PPHLN1: variants seen among roughly 807,000 people sequenced by gnomAD.
PPHLN1 encodes periphilin-1.
Under a neutral mutation model 51.3 loss-of-function variants are expected in PPHLN1, and 29 were observed. The observed-to-expected ratio is 0.57, with a 90% CI of 0.42 to 0.77. PPHLN1 has a LOEUF of 0.77. Ranked by LOEUF, PPHLN1 falls within the 30% of genes least tolerant of loss-of-function variation. The pLI is 0.00. For missense variants in PPHLN1, 436 were observed against 438.4 expected (o/e 0.99, Z 0.05); for synonymous variants, 147 against 147.8 (o/e 0.99, Z 0.04).
chr12:42,426,226 A>ACACACC (rs1245875011), intron 9 of PPHLN1, among the ~76,000 whole-genome samples: 3 of 123,110 alleles, frequency 2.4e-5, no homozygotes, highest in East Asian at 2.3e-4. Context: ...ACACACACAC[A>ACACACC]CACCCTCATG....
At chr12:42,355,265 C>T (rs754086289) in intron 4 of PPHLN1, 43 bp downstream of exon 4, 4 of 1,519,942 alleles carry the variant, frequency 2.6e-6, no homozygotes. Context: ...TGATACTTGA[C>T]TCACTGTGAT....
downstream of PPHLN1, chr12:42,442,861 T>G (rs1264738811): frequency 2.1e-6 from 3 of 1,456,234 alleles, no homozygotes; most frequent in East Asian, 4.8e-5. Flanking sequence ...TTGAAACAAC[T>G]GCTTAAAGCT....
intron 9 of PPHLN1, among the ~76,000 whole-genome samples, chr12:42,423,105 T>C (rs990241614): frequency 6.6e-6 from 1 of 152,188 alleles, no homozygotes; most frequent in African/African-American, 2.4e-5. Context: ...GGAAGGAACT[T>C]AATATCATTT....
chr12:42,388,976 C>T (rs559392438), intron 7 of PPHLN1, among the ~76,000 whole-genome samples: 13 of 152,126 alleles, frequency 8.5e-5, no homozygotes, highest in Non-Finnish European at 8.8e-5. Flanking sequence ...TGGTGGCTTA[C>T]GCCGGTAATC....
At position 42,434,063 on chromosome 12, in the gene PPHLN1, G is replaced by T. The variant is rs1032535273; in HGVS notation, c.910-7252G>T. The stretch of plus-strand genomic sequence containing the variant: ...GAGTGGGCACAACAGCTCCATACCT[G>T]TTCCCCCATACCTTGCCCTACATAT... On this transcript the variant is annotated intron_variant, in intron 9 of 9. Coordinates refer to ENST00000358314, the MANE Select transcript of PPHLN1 (RefSeq NM_201439.2). 4.6e-5 allele frequency among the ~76,000 whole-genome samples: 7 copies of T among 152,182 alleles called. No homozygotes were observed. In the East Asian group the frequency reaches 1.3e-3, roughly 29 times the overall value.
At chr12:42,330,927 T>C (rs2069631738) in intron 1 of PPHLN1, among the ~76,000 whole-genome samples, 1 of 152,188 alleles carries the variant, frequency 6.6e-6, no homozygotes. Context: ...GCCAGGATGG[T>C]CTCAATCTCC....
chr12:42,363,284 T>G (rs911536492), intron 4 of PPHLN1, among the ~76,000 whole-genome samples: 5 of 152,162 alleles, frequency 3.3e-5, no homozygotes, highest in African/African-American at 1.2e-4. Context: ...CCATGAGTCT[T>G]TCTTATTGCT....
intron 4 of PPHLN1, 50 bp downstream of exon 4, chr12:42,355,272 T>G (rs1162613036): frequency 6.8e-7 from 1 of 1,473,516 alleles, no homozygotes; most frequent in South Asian, 1.1e-5. Flanking sequence ...TGACTCACTG[T>G]GATGTCTGCT....
At chr12:42,373,400 T>TA (rs1225868695) in intron 4 of PPHLN1, among the ~76,000 whole-genome samples, 8 of 152,350 alleles carry the variant, frequency 5.3e-5, no homozygotes, top group African/African-American at 1.9e-4. Context: ...CAGGGAAACT[T>TA]ACTTGTGTCT....
Position 42,384,952 on chromosome 12 carries a change from C to G in PPHLN1, c.524C>G (p.Pro175Arg). 6.2e-7 allele frequency: 1 copy of G among 1,611,228 alleles called. No homozygotes were observed. Among genetic ancestry groups the G allele is most frequent in the Non-Finnish European group, 8.5e-7 (1 of 1,177,322 alleles). The change falls in exon 6 of 10, where the codon CCT becomes CGT. Residue 175 changes from proline to arginine, a missense_variant. Physicochemically the swap from Pro to Arg is moderately radical, Grantham distance 103. Coordinates refer to ENST00000358314, the MANE Select transcript of PPHLN1 (RefSeq NM_201439.2). Reference protein sequence around the residue: ...HQSQHRKSVRPGASYKRQNEG... With the variant: ...HQSQHRKSVRRGASYKRQNEG... ...CACCTTTCCATAGAGTCCGTGCGTC[C>G]TGGTGCCTCCTACAAACGGCAGAAT...
At chr12:42,349,494 A>T (rs1453598179) in intron 2 of PPHLN1, among the ~76,000 whole-genome samples, 1 of 152,036 alleles carries the variant, frequency 6.6e-6, no homozygotes. Context: ...AGTGGAGAGA[A>T]GGTCAGCAGA....
chr12:42,340,326 AAAAG>A (rs1175766523), intron 2 of PPHLN1, among the ~76,000 whole-genome samples: 24 of 151,200 alleles, frequency 1.6e-4, no homozygotes, highest in South Asian at 1.5e-3. Flanking sequence ...AAAAAAAAAA[AAAAG>A]ATTTAAAAAT....
intron 9 of PPHLN1, among the ~76,000 whole-genome samples, chr12:42,409,518 A>T (rs914226582): frequency 1.3e-5 from 2 of 151,968 alleles, no homozygotes; most frequent in African/African-American, 4.8e-5. Context: ...AGGGATAGGG[A>T]TTTTGTCTTT....
At chr12:42,358,421 A>G (rs949056880) in intron 4 of PPHLN1, among the ~76,000 whole-genome samples, 3 of 152,100 alleles carry the variant, frequency 2.0e-5, no homozygotes, top group Admixed American at 2.0e-4. Context: ...TTTGAGACAA[A>G]GTTCTGTCAC....
At position 42,357,687 on chromosome 12, in the gene PPHLN1, C is replaced by G. The variant is rs189312462; in HGVS notation, c.299+2465C>G. ...CTTATCTTTCTCCTCCAAAGAAATACCTCCCAAGAAATTTATTTTAGCTTA... is the reference window on the plus strand; with the variant it reads ...CTTATCTTTCTCCTCCAAAGAAATAGCTCCCAAGAAATTTATTTTAGCTTA... On this transcript the variant is annotated intron_variant, in intron 4 of 9. Coordinates refer to ENST00000358314, the MANE Select transcript of PPHLN1 (RefSeq NM_201439.2). Among the ~76,000 whole-genome samples, 401 of 152,174 alleles carry G rather than the reference C, an allele frequency of 2.6e-3. 2 individuals carry two copies. The highest frequency in any genetic ancestry group is 9.2e-3 in the African/African-American group (383 of 41,516).
At chr12:42,341,012 G>C (rs1434602820) in intron 2 of PPHLN1, among the ~76,000 whole-genome samples, 1 of 98,398 alleles carries the variant, frequency 1.0e-5, no homozygotes, top group Non-Finnish European at 2.0e-5. Context: ...ATGGAGTTTT[G>C]CTCTGTCGCC....
At chr12:42,350,105 G>A (rs1184441287) in intron 2 of PPHLN1, 1 of 150,968 alleles carries the variant, frequency 6.6e-6, no homozygotes, top group African/African-American at 2.4e-5. Context: ...CGGCTGCCGG[G>A]CGGGGGCGCC....
chr12:42,406,349 G>A (rs2079307430), intron 9 of PPHLN1, among the ~76,000 whole-genome samples: 1 of 152,164 alleles, frequency 6.6e-6, no homozygotes, highest in African/African-American at 2.4e-5. Context: ...CAAAGTGCTG[G>A]GATTACAGGC....
intron 9 of PPHLN1, among the ~76,000 whole-genome samples, chr12:42,413,549 TG>T (rs1447936311): frequency 6.6e-6 from 1 of 151,282 alleles, no homozygotes; most frequent in African/African-American, 2.4e-5. Flanking sequence ...TGTGTGTGTG[TG>T]TGTGTGTGTG....
Sources: allele counts gnomAD v4.1 joint callset (sites outside exome capture counted in the v4.1 genomes callset), GRCh38; gene constraint gnomAD v4.1.1; transcripts MANE v1.5; gene names NCBI Gene and HGNC (gene_info 2026-07-23, HGNC 2026-07-21).